The following FBXL13 variants were observed in gnomAD, a reference collection of about 807,000 sequenced individuals.
The protein encoded by FBXL13 is F-box and leucine-rich repeat protein 13.
Under a neutral mutation model 83.6 loss-of-function variants are expected in FBXL13, and 67 were observed. The observed-to-expected ratio is 0.80, with a 90% CI of 0.66 to 0.98. The LOEUF (loss-of-function observed/expected upper bound fraction) is 0.98. Among genes scored for constraint, FBXL13 ranks in the 50% least tolerant of loss-of-function variants. The pLI, the probability that FBXL13 is intolerant of heterozygous loss-of-function variation, is 0.00. For synonymous variants in FBXL13, 272 were observed against 299.5 expected (o/e 0.91, Z 0.95); for missense variants, 822 against 866.5 (o/e 0.95, Z 0.64).
chr7:103,014,324 C>T (rs1405731244), intron 6 of FBXL13, among the ~76,000 whole-genome samples: 1 of 152,070 alleles, frequency 6.6e-6, no homozygotes, highest in Non-Finnish European at 1.5e-5. Context: ...TACTGCACTC[C>T]AGCCTGGGTG....
chr7:102,839,392 C>T (rs554052189), intron 17 of FBXL13, among the ~76,000 whole-genome samples: 87 of 152,232 alleles, frequency 5.7e-4, no homozygotes, highest in African/African-American at 2.0e-3. Flanking sequence ...AGCGCCAGTC[C>T]CCTGGGCCCA....
intron 11 of FBXL13, among the ~76,000 whole-genome samples, chr7:102,906,875 A>G (rs1221797178): frequency 2.6e-5 from 4 of 151,734 alleles, no homozygotes; most frequent in Non-Finnish European, 5.9e-5. Flanking sequence ...TTGTACTTGG[A>G]TATTTACATC....
rs143546361 is a variant in FBXL13 at position 102,984,567 on chromosome 7, C to A, written c.496-16450G>T. 1.0e-3 allele frequency among the ~76,000 whole-genome samples: 154 copies of A among 152,240 alleles called. No homozygotes were observed. In the Middle Eastern group the frequency reaches 0.01, roughly 10 times the overall value. The stretch of plus-strand genomic sequence containing the variant: ...GAAGATTGATGTCCCAGATCAAAGG[C>A]AGTTCATTCATTCTTGGGGCTTATA... On this transcript the variant is annotated intron_variant, in intron 6 of 19. Transcript: ENST00000313221.
At chr7:102,934,045 G>A (rs370522298) in intron 8 of FBXL13, 21 of 1,614,080 alleles carry the variant, frequency 1.3e-5, no homozygotes, top group East Asian at 4.5e-5. Context: ...GCTCCAACCC[G>A]GTCAAACGCT....
chr7:102,851,267 T>C (rs929680720), intron 17 of FBXL13, among the ~76,000 whole-genome samples: 2 of 152,188 alleles, frequency 1.3e-5, no homozygotes, highest in African/African-American at 4.8e-5. Flanking sequence ...CTAGTTGGGA[T>C]GGTATTTTAA....
At position 102,829,000 on chromosome 7, in the gene FBXL13, G is replaced by A. The variant is rs188472680; in HGVS notation, c.1854+3840C>T. Among the ~76,000 whole-genome samples, 51 of 152,292 alleles carry A rather than the reference G, an allele frequency of 3.3e-4. 1 individual carries two copies. The highest frequency in any genetic ancestry group is 4.4e-5 in the Non-Finnish European group (3 of 68,016). On this transcript the variant is annotated intron_variant, in intron 18 of 19. Coordinates refer to ENST00000313221, the Ensembl canonical transcript of FBXL13. ...GCTGGGGATGTAACATCCTGAGACTGAGGATAGGGGGTACTGACTGGAACA... is the reference window on the plus strand; with the variant it reads ...GCTGGGGATGTAACATCCTGAGACTAAGGATAGGGGGTACTGACTGGAACA...
At chr7:103,039,493 T>C (rs1028811404) in intron 2 of FBXL13, among the ~76,000 whole-genome samples, 1 of 152,042 alleles carries the variant, frequency 6.6e-6, no homozygotes, top group Non-Finnish European at 1.5e-5. Context: ...AAGATACGCC[T>C]TGAGAAGAGC....
chr7:103,020,358 A>C (rs1792997632), intron 6 of FBXL13, among the ~76,000 whole-genome samples: 1 of 152,236 alleles, frequency 6.6e-6, no homozygotes, highest in Non-Finnish European at 1.5e-5. Flanking sequence ...ACAAACCCAC[A>C]GCCAATATCA....
At chr7:103,018,801 T>C (rs1171586245) in intron 6 of FBXL13, among the ~76,000 whole-genome samples, 1 of 151,840 alleles carries the variant, frequency 6.6e-6, no homozygotes, top group Admixed American at 6.6e-5. Context: ...ATGCATCCAA[T>C]ACAGGAGCAC....
intron 17 of FBXL13, among the ~76,000 whole-genome samples, chr7:102,841,022 G>A (rs984142857): frequency 3.3e-5 from 5 of 152,084 alleles, no homozygotes; most frequent in African/African-American, 1.2e-4. Flanking sequence ...TTGATAGGGA[G>A]GGTTATTACA....
At chr7:102,833,497 ATCTGAGCTCACTGCAACC>A (rs1801109936) in intron 17 of FBXL13, among the ~76,000 whole-genome samples, 1 of 149,650 alleles carries the variant, frequency 6.7e-6, no homozygotes, top group Non-Finnish European at 1.5e-5. Context: ...CAATGGTGCA[ATCTGAGCTCACTGCAACC>A]TCTGTCTGCC....
At chr7:102,996,390 AC>A (rs1461783707) in intron 6 of FBXL13, among the ~76,000 whole-genome samples, 2 of 152,158 alleles carry the variant, frequency 1.3e-5, no homozygotes, top group Non-Finnish European at 2.9e-5. Flanking sequence ...TGATATAATG[AC>A]TTATTAAACA....
intron 17 of FBXL13, among the ~76,000 whole-genome samples, chr7:102,848,197 C>T (rs1804372237): frequency 6.6e-6 from 1 of 152,148 alleles, no homozygotes; most frequent in Admixed American, 6.5e-5. Context: ...AACCTGCTAA[C>T]ACTGAAATAA....
intron 7 of FBXL13, among the ~76,000 whole-genome samples, chr7:102,965,458 T>C (rs193212268): frequency 1.3e-5 from 2 of 152,330 alleles, no homozygotes; most frequent in Admixed American, 1.3e-4. Flanking sequence ...GCTACTATTA[T>C]TACTTCAAAA....
intron 6 of FBXL13, 89 bp from the exon 8 acceptor site, chr7:102,968,206 T>A: frequency 1.3e-6 from 1 of 796,380 alleles, no homozygotes; most frequent in Non-Finnish European, 2.1e-6. Context: ...TGTGCACACA[T>A]GTGCGTGCAC....
chr7:102,870,142 A>G (rs747531654), intron 16 of FBXL13, among the ~76,000 whole-genome samples: 14 of 152,336 alleles, frequency 9.2e-5, no homozygotes, highest in Admixed American at 2.6e-4. Context: ...TTGCAATTCA[A>G]TTTGAAAATA....
intron 17 of FBXL13, among the ~76,000 whole-genome samples, chr7:102,848,424 C>T (rs571539834): frequency 0.034 from 3,293 of 97,824 alleles, 522 homozygotes; most frequent in Non-Finnish European, 0.044. Context: ...GGCGTAGTGG[C>T]GGGCGCCTGT....
At chr7:103,029,029 A>T (rs1482934035) in intron 3 of FBXL13, among the ~76,000 whole-genome samples, 1 of 152,078 alleles carries the variant, frequency 6.6e-6, no homozygotes, top group Non-Finnish European at 1.5e-5. Flanking sequence ...CCACCTAATG[A>T]TGTCTTTTTT....
At chr7:102,907,926 G>C (rs1048806725) in intron 11 of FBXL13, among the ~76,000 whole-genome samples, 5 of 152,192 alleles carry the variant, frequency 3.3e-5, no homozygotes, top group Non-Finnish European at 7.3e-5. Context: ...AGGTGCTGGA[G>C]AGGATGTGGA....
Sources: allele counts gnomAD v4.1 joint callset (sites outside exome capture counted in the v4.1 genomes callset), GRCh38; gene constraint gnomAD v4.1.1; transcripts MANE v1.5; gene names NCBI Gene and HGNC (gene_info 2026-07-23, HGNC 2026-07-21).